OR11H4: variants seen among roughly 807,000 people sequenced by gnomAD.
OR11H4 encodes olfactory receptor family 11 subfamily H member 4.
For missense variants in OR11H4, 460 were observed against 371.1 expected (o/e 1.24, Z -1.97); for synonymous variants, 162 against 142.3 (o/e 1.14, Z -0.98).
At chr14:20,241,572 C>G (rs1294427382) in intron 1 of OR11H4, among the ~76,000 whole-genome samples, 1 of 152,018 alleles carries the variant, frequency 6.6e-6, no homozygotes, top group African/African-American at 2.4e-5. Context: ...GGTGGCCTGC[C>G]CCTCCACACC....
At position 20,243,501 on chromosome 14, in the gene OR11H4, A is replaced by G. The variant is rs751579658; in HGVS notation, c.680A>G (p.Gln227Arg). ...SYILLLTAVF[Q>R]VPSAAGRRKA... Reference sequence around the variant, plus strand: ...ATCCTGTTACTAACAGCTGTTTTTCAGGTCCCTTCTGCAGCTGGTCGGAGA... The same window carrying G: ...ATCCTGTTACTAACAGCTGTTTTTCGGGTCCCTTCTGCAGCTGGTCGGAGA... The change falls in exon 2 of 2, where the codon CAG becomes CGG. Residue 227 changes from glutamine to arginine, a missense_variant. Transcript: ENST00000641082. 6.8e-6 allele frequency: 11 copies of G among 1,613,702 alleles called. 1 individual carries two copies. The Middle Eastern group carries it at 6.6e-4, about 97-fold the overall frequency.
chr14:20,241,739 A>C (rs187175800), intron 1 of OR11H4, among the ~76,000 whole-genome samples: 5 of 152,248 alleles, frequency 3.3e-5, no homozygotes, highest in Admixed American at 6.5e-5. Flanking sequence ...GTTTTTATTG[A>C]TTATTATATT....
rs1880996171 is a variant in OR11H4, at chr14:20,243,705, A to G, written c.884A>G (p.Lys295Arg). 2.5e-6 allele frequency: 4 copies of G among 1,605,324 alleles called. No individual in the cohort carries two copies. In the East Asian group the frequency reaches 8.9e-5, roughly 36 times the overall value. The stretch of plus-strand genomic sequence containing the variant: ...CCTCTGATCTATACTCTTCGTAATA[A>G]GGACATGAAACTCGCTCTGAGAAAT... The part of the protein sequence containing the change: ...FNPLIYTLRN[K>R]DMKLALRNVL... The change falls in exon 2 of 2, where the codon AAG becomes AGG. Residue 295 changes from lysine (K) to arginine (R), a missense_variant. Physicochemically the swap from Lys to Arg is conservative, Grantham distance 26. Coordinates refer to ENST00000641082, the MANE Select transcript of OR11H4 (RefSeq NM_001004479.2).
chr14:20,243,776 G>C lies in OR11H4; in HGVS notation c.*10G>C. On this transcript the variant is annotated 3_prime_UTR_variant, in exon 2 of 2. Transcript: ENST00000641082. ...TCGTCAAAATTCGTGAGCCAAAGAT[G>C]TGCCATACTTACAAGTTCTAACGAA... is the stretch of plus-strand genomic sequence containing the variant. 1 of 1,558,696 alleles carries C rather than the reference G, an allele frequency of 6.4e-7. No individual in the cohort carries two copies. Among genetic ancestry groups the C allele is most frequent in the Non-Finnish European group, 8.7e-7 (1 of 1,154,458 alleles).
intron 1 of OR11H4, among the ~76,000 whole-genome samples, chr14:20,239,566 C>T (rs539421693): frequency 1.1e-3 from 174 of 152,026 alleles, no homozygotes; most frequent in African/African-American, 4.0e-3. Flanking sequence ...TGATGGCGGG[C>T]GCCTATAGTC....
At chr14:20,241,760 G>A (rs1880926068) in intron 1 of OR11H4, among the ~76,000 whole-genome samples, 1 of 152,100 alleles carries the variant, frequency 6.6e-6, no homozygotes, top group African/African-American at 2.4e-5. Context: ...CATTATTTCA[G>A]CAAAAAGGAA....
At position 20,243,732 on chromosome 14, in the gene OR11H4, T is replaced by C. The variant is rs1360061046; in HGVS notation, c.911T>C (p.Val304Ala). Reference protein sequence around the residue: ...NKDMKLALRNVLFGMRIRQNS With the variant: ...NKDMKLALRNALFGMRIRQNS ...GACATGAAACTCGCTCTGAGAAATG[T>C]CCTGTTTGGAATGAGAATTCGTCAA... The change falls in exon 2 of 2, where the codon GTC (valine) becomes GCC (alanine). Residue 304 changes from valine to alanine, a missense_variant. Val to Ala is a moderately conservative substitution (Grantham distance 64). Coordinates refer to ENST00000641082, the MANE Select transcript of OR11H4 (RefSeq NM_001004479.2). 1 of 1,588,936 alleles carries C rather than the reference T, an allele frequency of 6.3e-7. No individual in the cohort carries two copies.
chr14:20,241,574 C>T (rs1341373304), intron 1 of OR11H4, among the ~76,000 whole-genome samples: 3 of 152,150 alleles, frequency 2.0e-5, no homozygotes, highest in Admixed American at 6.5e-5. Context: ...TGGCCTGCCC[C>T]TCCACACCTG....
In OR11H4 at chr14:20,243,075, T is replaced by C. The variant is rs1211718564; in HGVS notation, c.254T>C (p.Ile85Thr). ...SSTIPNMLVN[I>T]LSKTKAISFS... ...ACTATTCCTAACATGCTAGTCAACA[T>C]TCTCTCCAAGACCAAGGCCATCTCA... Residue 85 changes from isoleucine (I) to threonine (T), a missense_variant, in exon 2 of 2, where the codon ATT becomes ACT. By Grantham distance (89) the Ile-to-Thr change is moderately conservative. Coordinates refer to ENST00000641082, the MANE Select transcript of OR11H4 (RefSeq NM_001004479.2). 16 of 1,614,196 alleles carry C rather than the reference T, an allele frequency of 9.9e-6. No individual in the cohort carries two copies. Among genetic ancestry groups the C allele is most frequent in the Non-Finnish European group, 1.2e-5 (14 of 1,180,024 alleles).
rs1329845814 is a variant in OR11H4 at position 20,243,191 on chromosome 14, C to G, written c.370C>G (p.Leu124Val). The change falls in exon 2 of 2, where the codon CTG becomes GTG. Residue 124 changes from leucine to valine, a missense_variant. Coordinates refer to ENST00000641082, the MANE Select transcript of OR11H4 (RefSeq NM_001004479.2). ...GGCAGTAATGGCTTATGATCGATAC[C>G]TGGCCATCTGCCACCCACTGCAGTA... ...FLAVMAYDRY[L>V]AICHPLQYPA... 6.2e-7 allele frequency: 1 copy of G among 1,614,164 alleles called. No homozygotes were observed. Among genetic ancestry groups the G allele is most frequent in the East Asian group, 2.2e-5 (1 of 44,886 alleles).
chr14:20,242,228 T>C (rs550365995), intron 1 of OR11H4, among the ~76,000 whole-genome samples: 7 of 152,134 alleles, frequency 4.6e-5, no homozygotes, highest in African/African-American at 1.7e-4. Context: ...GACAATACCC[T>C]GCTTTCAAGG....
chr14:20,243,854 G>C lies in OR11H4; in HGVS notation c.*88G>C. The C allele has an allele frequency of 7.5e-7, 1 of 1,330,204 alleles. No individual in the cohort carries two copies. The highest frequency in any genetic ancestry group is 2.4e-5 in the Admixed American group (1 of 42,486). The allele number at this position is 1,330,204 out of a possible 1,614,324, so 82.4% of individuals were successfully genotyped here. On this transcript the variant is annotated 3_prime_UTR_variant, in exon 2 of 2. Coordinates refer to ENST00000641082, the MANE Select transcript of OR11H4 (RefSeq NM_001004479.2). ...TTAGCAGTCTTTCAGTCCTCAGTCT[G>C]AGTAGTTAGAGGTTGTATATTTTAC...
intron 1 of OR11H4, among the ~76,000 whole-genome samples, chr14:20,240,220 A>G (rs554504508): frequency 7.9e-5 from 12 of 152,196 alleles, no homozygotes; most frequent in Non-Finnish European, 1.6e-4. Context: ...TAGCAGAGAA[A>G]GGGATGTATT....
rs755872410 is a variant in OR11H4 at position 20,243,035 on chromosome 14, T to C, written c.214T>C (p.Trp72Arg). The C allele has an allele frequency of 3.7e-6, 6 of 1,614,194 alleles. No homozygotes were observed. The highest frequency in any genetic ancestry group is 5.1e-6 in the Non-Finnish European group (6 of 1,180,042). Residue 72 changes from tryptophan (W) to arginine (R), a missense_variant, in exon 2 of 2, where the codon TGG (tryptophan) becomes CGG (arginine). Physicochemically the swap from Trp to Arg is moderately radical, Grantham distance 101 (BLOSUM62 -3). Transcript: ENST00000641082. ...LLGNFAFLEI[W>R]YVSSTIPNML... ...GGGAAATTTTGCCTTCCTTGAGATC[T>C]GGTATGTGTCCTCCACTATTCCTAA...
chr14:20,240,703 A>G lies in OR11H4; in HGVS notation c.-12+1372A>G, dbSNP rs116788353. 3.7e-3 allele frequency among the ~76,000 whole-genome samples: 557 copies of G among 151,496 alleles called. 4 individuals are homozygous for G. The highest frequency in any genetic ancestry group is 0.012 in the African/African-American group (513 of 41,228). On this transcript the variant is annotated intron_variant, in intron 1 of 1. Transcript: ENST00000641082. ...AGCAATTCTTCTGCTTGGCCTCCCAAGTAGCTGGGATTACAGGCACGCACC... is the reference window on the plus strand; with the variant it reads ...AGCAATTCTTCTGCTTGGCCTCCCAGGTAGCTGGGATTACAGGCACGCACC...
rs549879180 is a variant in OR11H4 at position 20,241,913 on chromosome 14, G to A, written c.-11-898G>A. Among the ~76,000 whole-genome samples, 180 of 151,994 alleles carry A rather than the reference G, an allele frequency of 1.2e-3. 2 individuals carry two copies. The South Asian group carries it at 0.02, about 17-fold the overall frequency. ...CAGATATATAGTTCTCTCCACCCAA[G>A]TATCTCAGTGAAGTAAAGAATAACA... On this transcript the variant is annotated intron_variant, in intron 1 of 1. Transcript: ENST00000641082.
At chr14:20,241,634 A>G (rs1880921574) in intron 1 of OR11H4, among the ~76,000 whole-genome samples, 1 of 152,206 alleles carries the variant, frequency 6.6e-6, no homozygotes, top group East Asian at 1.9e-4. Flanking sequence ...GAAATAAGAC[A>G]CAGAGACAAA....
intron 1 of OR11H4, 140 bp from the exon 2 acceptor site, chr14:20,242,671 C>T: frequency 2.1e-6 from 2 of 951,512 alleles, no homozygotes; most frequent in Non-Finnish European, 3.1e-6. Context: ...AGGACATATT[C>T]CCACCTGGTC....
In OR11H4 at chr14:20,243,454, T is replaced by C. The variant is rs1233187092; in HGVS notation, c.633T>C (p.Ser211=). 1.2e-6 allele frequency: 2 copies of C among 1,613,744 alleles called. No homozygotes were observed. The highest frequency in any genetic ancestry group is 1.1e-5 in the South Asian group (1 of 91,048). ...GCTCCCTTGTCCTCTTTTTCACTAG[T>C]ATGTACATTCTTCGATCCTATATCC... is the stretch of plus-strand genomic sequence containing the variant. ...TQSSLVLFFT[S]MYILRSYILL... is the part of the protein sequence containing the mutation. The change falls in exon 2 of 2, where the codon AGT becomes AGC. Residue 211 remains serine (S), a synonymous_variant. Coordinates refer to ENST00000641082, the MANE Select transcript of OR11H4 (RefSeq NM_001004479.2).
Sources: gnomAD v4.1 joint callset for allele counts (sites outside exome capture counted in the v4.1 genomes callset) on GRCh38, gnomAD v4.1.1 for gene constraint, MANE v1.5 for transcripts, NCBI Gene and HGNC (gene_info 2026-07-23, HGNC 2026-07-21) for gene names.